The following RAP1A variants were observed in gnomAD, a reference collection of about 807,000 sequenced individuals.
RAP1A encodes the protein RAP1A, member of RAS oncogene family.
A neutral mutation model predicts 26.4 loss-of-function variants in RAP1A; 6 were observed. That is an observed-to-expected ratio of 0.23 (90% CI 0.12 to 0.45). The LOEUF is 0.45. Ranked by LOEUF, RAP1A falls within the 20% of genes least tolerant of loss-of-function variation. The probability of loss-of-function intolerance (pLI) is 0.99; values close to 1 mark genes in which losing one functional copy is unlikely to be tolerated. For synonymous variants in RAP1A, 73 were observed against 79.4 expected (o/e 0.92, Z 0.43); for missense variants, 121 against 217.2 (o/e 0.56, Z 2.78).
chr1:111,548,067 C>T (rs1008588824), intron 1 of RAP1A, among the ~76,000 whole-genome samples: 2 of 152,232 alleles, frequency 1.3e-5, no homozygotes, highest in Non-Finnish European at 2.9e-5. Context: ...GTTGCCCAGG[C>T]TGGTGTGCAG....
At chr1:111,692,897 G>C (rs1376684839) in intron 2 of RAP1A, among the ~76,000 whole-genome samples, 135 of 152,266 alleles carry the variant, frequency 8.9e-4, no homozygotes, top group Non-Finnish European at 3.4e-4. Flanking sequence ...TGGGAACAAG[G>C]GTGGTAGATA....
intron 1 of RAP1A, among the ~76,000 whole-genome samples, chr1:111,544,205 T>C (rs1384518036): frequency 6.6e-6 from 1 of 152,230 alleles, no homozygotes; most frequent in Non-Finnish European, 1.5e-5. Flanking sequence ...TCATCTTTGA[T>C]TTATCCCTTG....
intron 1 of RAP1A, among the ~76,000 whole-genome samples, chr1:111,566,537 G>A (rs750052199): frequency 9.8e-5 from 15 of 152,288 alleles, no homozygotes; most frequent in Non-Finnish European, 1.5e-4. Flanking sequence ...CCCCCTGACC[G>A]TAAACATTAT....
intron 1 of RAP1A, among the ~76,000 whole-genome samples, chr1:111,563,226 G>A (rs911619372): frequency 6.6e-6 from 1 of 152,080 alleles, no homozygotes; most frequent in Non-Finnish European, 1.5e-5. Flanking sequence ...GATGAGCCAT[G>A]ATTAGCACCA....
chr1:111,706,698 A>G, intron 6 of RAP1A: 3 of 984,928 alleles, frequency 3.0e-6, no homozygotes, highest in Non-Finnish European at 3.6e-6. Context: ...GGAAGAACCT[A>G]GGCTGGGGCC....
chr1:111,617,029 C>CGT (rs1230193824), upstream of RAP1A, among the ~76,000 whole-genome samples: 159 of 152,150 alleles, frequency 1.0e-3, no homozygotes, highest in African/African-American at 3.5e-3. Context: ...TGTGGGTATG[C>CGT]ATGTGTGTGT....
chr1:111,600,646 T>C (rs1366633388), intron 1 of RAP1A, among the ~76,000 whole-genome samples: 4 of 152,156 alleles, frequency 2.6e-5, no homozygotes, highest in Non-Finnish European at 5.9e-5. Flanking sequence ...CGCACCACCA[T>C]GTTTAAGAGG....
At chr1:111,656,381 T>C (rs1468598088) in intron 1 of RAP1A, among the ~76,000 whole-genome samples, 1 of 152,208 alleles carries the variant, frequency 6.6e-6, no homozygotes, top group Non-Finnish European at 1.5e-5. Context: ...GTATCTACTA[T>C]AAAAATAAAT....
intron 1 of RAP1A, among the ~76,000 whole-genome samples, chr1:111,593,845 T>C (rs1429053018): frequency 6.6e-6 from 1 of 151,858 alleles, no homozygotes; most frequent in Non-Finnish European, 1.5e-5. Context: ...CTAAGATTCA[T>C]TCAGGACTGT....
Position 111,713,497 on chromosome 1 carries a change from C to A in RAP1A, c.*1096C>A, listed in dbSNP as rs1340583570. On this transcript the variant is annotated 3_prime_UTR_variant, in exon 8 of 8. Transcript: ENST00000369709. ...AGCTTGTAATTTCATCAAGGGAATC[C>A]TTTTGCATTGTTAATTTGTTGGGTG... The A allele has an allele frequency of 6.6e-6, 1 of 152,062 alleles. No individual in the cohort carries two copies. The highest frequency in any genetic ancestry group is 2.4e-5 in the African/African-American group (1 of 41,412). 9.4% of individuals were successfully genotyped at this position (152,062 alleles called of 1,614,324 possible).
intron 1 of RAP1A, among the ~76,000 whole-genome samples, chr1:111,645,241 C>G (rs1052938996): frequency 4.6e-5 from 7 of 152,124 alleles, no homozygotes; most frequent in African/African-American, 1.7e-4. Context: ...GTAGGAATTG[C>G]AGGGGAAATA....
chr1:111,610,043 G>A (rs751204665), intron 1 of RAP1A, among the ~76,000 whole-genome samples: 3 of 151,976 alleles, frequency 2.0e-5, no homozygotes, highest in South Asian at 2.1e-4. Flanking sequence ...AAAACTATAC[G>A]CCCCTTATGA....
At chr1:111,642,569 G>A (rs1659925519) in intron 1 of RAP1A, among the ~76,000 whole-genome samples, 1 of 151,178 alleles carries the variant, frequency 6.6e-6, no homozygotes, top group Non-Finnish European at 1.5e-5. Context: ...CTCACTGCAA[G>A]CTCCGCTTCC....
chr1:111,697,278 C>A (rs1289663789), intron 3 of RAP1A, among the ~76,000 whole-genome samples, 163 bp from the exon 4 acceptor site: 1 of 152,124 alleles, frequency 6.6e-6, no homozygotes, highest in Non-Finnish European at 1.5e-5. Context: ...CTTGAGACCG[C>A]TGTTCTTTAT....
intron 1 of RAP1A, among the ~76,000 whole-genome samples, chr1:111,603,964 C>T (rs182834894): frequency 6.6e-6 from 1 of 152,300 alleles, no homozygotes; most frequent in East Asian, 1.9e-4. Flanking sequence ...TTACTCTTTG[C>T]CTCTCTGCTT....
chr1:111,605,041 C>T (rs762905089), intron 1 of RAP1A, among the ~76,000 whole-genome samples: 2 of 152,152 alleles, frequency 1.3e-5, no homozygotes, highest in Non-Finnish European at 2.9e-5. Context: ...TTAGTGACTA[C>T]AGGACTGAAG....
intron 1 of RAP1A, among the ~76,000 whole-genome samples, chr1:111,583,662 G>T (rs1658306137): frequency 6.6e-6 from 1 of 151,592 alleles, no homozygotes; most frequent in Non-Finnish European, 1.5e-5. Context: ...AATCTGAATT[G>T]CAAAAAAAAG....
intron 1 of RAP1A, chr1:111,563,876 C>T (rs751428128): frequency 8.1e-6 from 13 of 1,613,408 alleles, no homozygotes; most frequent in African/African-American, 8.0e-5. Flanking sequence ...GCCCAGTGTC[C>T]AGTCTGGCTG....
intron 1 of RAP1A, among the ~76,000 whole-genome samples, chr1:111,660,696 C>T (rs752593029): frequency 3.3e-5 from 5 of 152,214 alleles, no homozygotes; most frequent in Non-Finnish European, 5.9e-5. Flanking sequence ...CTGCTCAAAA[C>T]TGTCCAGTGG....
Sources: gnomAD v4.1 joint callset for allele counts (sites outside exome capture counted in the v4.1 genomes callset) on GRCh38, gnomAD v4.1.1 for gene constraint, MANE v1.5 for transcripts, NCBI Gene and HGNC (gene_info 2026-07-23, HGNC 2026-07-21) for gene names.